Variants in ZFPM1 observed in about 807,000 individuals in gnomAD.
ZFPM1 encodes the protein zinc finger protein ZFPM1.
ZFPM1 carries 28 observed loss-of-function variants against 46.3 expected under a neutral mutation model. The observed-to-expected ratio is 0.60, with a 90% CI of 0.45 to 0.83. The LOEUF is 0.83. Ranked by LOEUF, ZFPM1 falls within the 40% of genes least tolerant of loss-of-function variation. The probability of loss-of-function intolerance (pLI) is 0.00; values close to 1 mark genes in which losing one functional copy is unlikely to be tolerated. For synonymous variants in ZFPM1, 957 were observed against 675.9 expected, an observed-to-expected ratio of 1.42 and a Z score of -6.45; for missense variants, 1,878 against 1,432.4, an observed-to-expected ratio of 1.31 and a Z score of -5.02.
Position 88,480,653 on chromosome 16 carries a change from C to T in ZFPM1, c.41-5286C>T, listed in dbSNP as rs565115279. Among the ~76,000 whole-genome samples the T allele has an allele frequency of 7.9e-5, 12 of 152,356 alleles. No individual in the cohort carries two copies. Among genetic ancestry groups the T allele is most frequent in the South Asian group, 2.1e-4 (1 of 4,820 alleles). Reference sequence around the variant, plus strand: ...CTTAGGCTCATCTCAAACACTGAGCCGGAGCAGGGTGCTCCCTGGGCCAGG... The same window carrying T: ...CTTAGGCTCATCTCAAACACTGAGCTGGAGCAGGGTGCTCCCTGGGCCAGG... On this transcript the variant is annotated intron_variant, in intron 1 of 9. Transcript: ENST00000319555. The surrounding 1 kb of genome is among the most constrained non-coding windows in gnomAD (Gnocchi z 4.9).
chr16:88,478,872 G>C (rs998950438), intron 1 of ZFPM1, among the ~76,000 whole-genome samples: 2 of 152,226 alleles, frequency 1.3e-5, no homozygotes, highest in Non-Finnish European at 2.9e-5. Flanking sequence ...AATGCTACTC[G>C]AGGGAAACGG....
intron 1 of ZFPM1, among the ~76,000 whole-genome samples, chr16:88,468,193 C>T (rs1908240949): frequency 6.8e-6 from 1 of 147,192 alleles, no homozygotes; most frequent in African/African-American, 2.5e-5. Context: ...CGCGAGCCCA[C>T]CGCCCCTCAA....
At chr16:88,464,712 C>T (rs2142346443) in intron 1 of ZFPM1, among the ~76,000 whole-genome samples, 1 of 152,396 alleles carries the variant, frequency 6.6e-6, no homozygotes, top group Non-Finnish European at 1.5e-5. Context: ...CCTGGTCCGC[C>T]CTGCACTGTC....
chr16:88,479,647 C>A (rs903651808), intron 1 of ZFPM1, among the ~76,000 whole-genome samples: 1 of 152,072 alleles, frequency 6.6e-6, no homozygotes, highest in Non-Finnish European at 1.5e-5. Context: ...CCTTATCTGG[C>A]CGCTGTGTGC....
intron 3 of ZFPM1, among the ~76,000 whole-genome samples, chr16:88,501,913 CTG>C (rs931491591): frequency 2.0e-5 from 3 of 152,024 alleles, no homozygotes; most frequent in Non-Finnish European, 2.9e-5. Context: ...GATGAGCAAA[CTG>C]AGGCCCAGTG....
intron 6 of ZFPM1, among the ~76,000 whole-genome samples, chr16:88,529,191 C>T (rs1912585002): frequency 6.6e-6 from 1 of 152,236 alleles, no homozygotes; most frequent in African/African-American, 2.4e-5. Context: ...GCGTGGCCAT[C>T]GTGGACAGGC....
intron 1 of ZFPM1, among the ~76,000 whole-genome samples, chr16:88,484,587 C>T (rs1158287765): frequency 1.3e-5 from 2 of 152,232 alleles, no homozygotes; most frequent in African/African-American, 2.4e-5. Context: ...TCGGGAGGCT[C>T]TGCCCCCATC....
intron 1 of ZFPM1, among the ~76,000 whole-genome samples, chr16:88,464,692 C>T (rs1240016111): frequency 6.6e-6 from 1 of 152,292 alleles, no homozygotes; most frequent in Non-Finnish European, 1.5e-5. Flanking sequence ...TCCAGCTCTA[C>T]AGGCTGCGGC....
In ZFPM1 at chr16:88,534,367, C is replaced by T. The variant is rs1374610074; in HGVS notation, c.2409C>T (p.Arg803=). The stretch of plus-strand genomic sequence containing the variant: ...TCGACCTGAGCAAGAAGCCGCGGCG[C>T]CCGCTCCCCGGAGCCCCGGCACCGG... ...GPIDLSKKPR[R]PLPGAPAPAL... Residue 803 remains arginine (R), a synonymous_variant, in exon 10 of 10, where the codon CGC becomes CGT. Transcript: ENST00000319555. 4 of 1,434,612 alleles carry T rather than the reference C, an allele frequency of 2.8e-6. No individual in the cohort carries two copies. The highest frequency in any genetic ancestry group is 2.7e-5 in the Admixed American group (1 of 36,526). The allele number at this position is 1,434,612 out of a possible 1,614,324, so 88.9% of individuals were successfully genotyped here.
rs772942563 is a variant in ZFPM1, at chr16:88,534,945, A to C, written c.2987A>C (p.Tyr996Ser). The change falls in exon 10 of 10, where the codon TAC becomes TCC. Residue 996 changes from tyrosine to serine, a missense_variant. Physicochemically the swap from Tyr to Ser is moderately radical, Grantham distance 144 (BLOSUM62 -2). Coordinates refer to ENST00000319555, the MANE Select transcript of ZFPM1 (RefSeq NM_153813.3). ...LSTFIAHKKY[Y>S]CSSHAAEHVK ...ACCTTCATCGCCCACAAGAAGTATT[A>C]CTGCTCCTCGCACGCCGCCGAGCAC... The C allele has an allele frequency of 3.3e-6, 5 of 1,525,434 alleles. No individual in the cohort carries two copies. Among genetic ancestry groups the C allele is most frequent in the Non-Finnish European group, 4.4e-6 (5 of 1,132,914 alleles). The allele number at this position is 1,525,434 out of a possible 1,614,324, so 94.5% of individuals were successfully genotyped here. A position where few individuals can be genotyped will look rare whatever the true frequency, so the allele number is the denominator to read the frequency against.
chr16:88,466,030 C>T (rs1012031424), intron 1 of ZFPM1, among the ~76,000 whole-genome samples: 6 of 152,206 alleles, frequency 3.9e-5, no homozygotes, highest in South Asian at 2.1e-4. Context: ...GCCGCTCCCT[C>T]GCTGGCAGAA....
At chr16:88,518,269 G>T (rs1383840256) in intron 4 of ZFPM1, among the ~76,000 whole-genome samples, 4 of 152,156 alleles carry the variant, frequency 2.6e-5, no homozygotes, top group Non-Finnish European at 5.9e-5. Flanking sequence ...TAGATGGATG[G>T]TGGATAAGTG....
intron 6 of ZFPM1, among the ~76,000 whole-genome samples, chr16:88,528,550 CG>C (rs1490657930): frequency 6.6e-6 from 1 of 152,164 alleles, no homozygotes; most frequent in African/African-American, 2.4e-5. Context: ...GACGCGGGGG[CG>C]GCCCTGACTG....
chr16:88,476,672 C>T (rs766908528), intron 1 of ZFPM1, among the ~76,000 whole-genome samples: 16 of 152,238 alleles, frequency 1.1e-4, no homozygotes, highest in Non-Finnish European at 1.8e-4. Context: ...AACATGACCA[C>T]AAGGCCAAGT....
intron 4 of ZFPM1, among the ~76,000 whole-genome samples, chr16:88,519,227 A>C (rs1279899075): frequency 8.0e-6 from 1 of 125,328 alleles, no homozygotes; most frequent in Non-Finnish European, 1.7e-5. Context: ...ATGTGTAGGT[A>C]GATGGATTGA....
chr16:88,521,745 ACCCTGTGCTGTTCCCTC>A (rs1266633711), intron 4 of ZFPM1, among the ~76,000 whole-genome samples: 17 of 23,600 alleles, frequency 7.2e-4, no homozygotes, highest in African/African-American at 6.0e-4. Context: ...CTGTTCCCAC[ACCCTGTGCTGTTCCCTC>A]CCCTGTGCTG....
chr16:88,522,932 G>A (rs988376572), intron 4 of ZFPM1, among the ~76,000 whole-genome samples: 4 of 151,922 alleles, frequency 2.6e-5, no homozygotes, highest in East Asian at 1.9e-4. Flanking sequence ...AAGGCCAGGC[G>A]CGGTGGTTCA....
At chr16:88,496,360 G>A (rs570579071) in intron 3 of ZFPM1, among the ~76,000 whole-genome samples, 2 of 152,076 alleles carry the variant, frequency 1.3e-5, no homozygotes, top group Admixed American at 1.3e-4. Flanking sequence ...GGGCAGAGTG[G>A]GGCTGGGTTG....
intron 1 of ZFPM1, among the ~76,000 whole-genome samples, chr16:88,459,619 C>T (rs1242549384): frequency 7.8e-6 from 1 of 128,292 alleles, no homozygotes; most frequent in Admixed American, 7.7e-5. Context: ...CCCTCCTCTC[C>T]CTCCTCCCCA....
Sources: gnomAD v4.1 joint callset for allele counts (sites outside exome capture counted in the v4.1 genomes callset) on GRCh38, gnomAD v4.1.1 for gene constraint, Gnocchi (gnomAD v3.1) non-coding constraint, MANE v1.5 for transcripts, NCBI Gene and HGNC (gene_info 2026-07-23, HGNC 2026-07-21) for gene names.